Variants in CERKL observed in about 807,000 individuals in gnomAD.
CERKL encodes the protein ceramide kinase-like protein.
CERKL carries 61 observed loss-of-function variants against 63.4 expected under a neutral mutation model. That is an observed-to-expected ratio of 0.96 (90% CI 0.78 to 1.19). CERKL has a LOEUF of 1.19. Among genes scored for constraint, CERKL ranks in the 50% most tolerant of loss-of-function variants. The pLI is 0.00. For synonymous variants in CERKL, 250 were observed against 230.5 expected, an observed-to-expected ratio of 1.08 and a Z score of -0.77; for missense variants, 675 against 655.5, an observed-to-expected ratio of 1.03 and a Z score of -0.33.
At chr2:181,631,377 G>C (rs551531871) in intron 1 of CERKL, among the ~76,000 whole-genome samples, 2 of 152,168 alleles carry the variant, frequency 1.3e-5, no homozygotes, top group Non-Finnish European at 2.9e-5. Flanking sequence ...GGAAAGTTAA[G>C]AGTCAAGATT....
At chr2:181,556,945 G>T (rs1458122487) in intron 5 of CERKL, among the ~76,000 whole-genome samples, 1 of 152,146 alleles carries the variant, frequency 6.6e-6, no homozygotes, top group Non-Finnish European at 1.5e-5. Flanking sequence ...TCTACCTGGG[G>T]TGAGATGATA....
At chr2:181,570,643 A>C (rs1219672540) in intron 3 of CERKL, among the ~76,000 whole-genome samples, 1 of 152,172 alleles carries the variant, frequency 6.6e-6, no homozygotes, top group Admixed American at 6.6e-5. Context: ...CAACTTTAGC[A>C]CAAATATTTC....
At chr2:181,542,741 A>G (rs1273916549) in intron 11 of CERKL, among the ~76,000 whole-genome samples, 1 of 152,236 alleles carries the variant, frequency 6.6e-6, no homozygotes, top group African/African-American at 2.4e-5. Context: ...AAAGCAAGAT[A>G]TGCCTCGTAG....
chr2:181,653,325 A>G (rs1688016892), intron 1 of CERKL, among the ~76,000 whole-genome samples: 1 of 152,238 alleles, frequency 6.6e-6, no homozygotes, highest in South Asian at 2.1e-4. Context: ...GTAAACTAGT[A>G]CAGTCAATAT....
chr2:181,609,073 A>AGAT (rs1316320095), intron 1 of CERKL, among the ~76,000 whole-genome samples: 1 of 152,190 alleles, frequency 6.6e-6, no homozygotes, highest in Non-Finnish European at 1.5e-5. Context: ...ACAAGTTCCA[A>AGAT]GATTACATAT....
intron 2 of CERKL, among the ~76,000 whole-genome samples, chr2:181,585,389 A>C (rs750400360): frequency 2.6e-5 from 4 of 152,214 alleles, no homozygotes; most frequent in Non-Finnish European, 5.9e-5. Flanking sequence ...AGAAAACAAA[A>C]GCACAACACT....
At chr2:181,567,582 A>G (rs10490685) in intron 3 of CERKL, among the ~76,000 whole-genome samples, 18,083 of 152,222 alleles carry the variant, frequency 0.12, 1,229 homozygotes, top group East Asian at 0.22. Flanking sequence ...GCAAAAGTCC[A>G]ATAAAATCAA....
At chr2:181,555,693 T>C (rs1364474561) in intron 5 of CERKL, among the ~76,000 whole-genome samples, 16 of 152,042 alleles carry the variant, frequency 1.1e-4, no homozygotes, top group Admixed American at 9.2e-4. Flanking sequence ...TTAGTGATAA[T>C]GTGTGACTTT....
At chr2:181,642,520 T>C (rs547150310) in intron 1 of CERKL, among the ~76,000 whole-genome samples, 3 of 152,362 alleles carry the variant, frequency 2.0e-5, no homozygotes, top group African/African-American at 7.2e-5. Flanking sequence ...GAAAATCATT[T>C]TGACTCTCTT....
Position 181,537,749 on chromosome 2 carries a change from A to T in CERKL, c.*435T>A. ...CCAATAAACACATTGTAAAAAAAAG[A>T]ATTTGAATTGATATCTAAAAACAGA... On this transcript the variant is annotated 3_prime_UTR_variant, in exon 13 of 13. Coordinates refer to ENST00000410087, the MANE Select transcript of CERKL (RefSeq NM_201548.5). 2 of 444,978 alleles carry T rather than the reference A, an allele frequency of 4.5e-6. No homozygotes were observed. Among genetic ancestry groups the T allele is most frequent in the South Asian group, 1.6e-5 (1 of 62,450 alleles). 27.6% of individuals were successfully genotyped at this position (444,978 alleles called of 1,614,324 possible).
intron 1 of CERKL, among the ~76,000 whole-genome samples, chr2:181,655,839 T>C (rs191152218): frequency 6.6e-6 from 1 of 152,356 alleles, no homozygotes. Flanking sequence ...GTAACCTTGA[T>C]GTAGTTCCTC....
chr2:181,612,420 CTAGT>C (rs768898908), intron 1 of CERKL, among the ~76,000 whole-genome samples: 2 of 152,136 alleles, frequency 1.3e-5, no homozygotes, highest in Non-Finnish European at 2.9e-5. Context: ...ATACCACTCT[CTAGT>C]TATTCCCTCA....
Position 181,602,488 on chromosome 2 carries a change from G to C in CERKL, c.481+1349C>G, listed in dbSNP as rs1425259546. Among the ~76,000 whole-genome samples, 5 of 152,304 alleles carry C rather than the reference G, an allele frequency of 3.3e-5. No individual in the cohort carries two copies. The East Asian group carries it at 9.6e-4, about 29-fold the overall frequency. On this transcript the variant is annotated intron_variant, in intron 2 of 12. Coordinates refer to ENST00000410087, the MANE Select transcript of CERKL (RefSeq NM_201548.5). Reference sequence around the variant, plus strand: ...TATACATATTCTCTATGTTTCCAGAGAGATAAACTAAACTACAGCCTCTGT... The same window carrying C: ...TATACATATTCTCTATGTTTCCAGACAGATAAACTAAACTACAGCCTCTGT...
chr2:181,538,243 A>C lies in CERKL; in HGVS notation c.1540T>G (p.Leu514Val). 6.4e-7 allele frequency: 1 copy of C among 1,567,478 alleles called. No homozygotes were observed. The highest frequency in any genetic ancestry group is 8.8e-7 in the Non-Finnish European group (1 of 1,138,868). The change falls in exon 13 of 13, where the codon TTG becomes GTG. Residue 514 changes from leucine to valine, a missense_variant and splice_region_variant. Physicochemically the swap from Leu to Val is conservative, Grantham distance 32 (BLOSUM62 1). Coordinates refer to ENST00000410087, the MANE Select transcript of CERKL (RefSeq NM_201548.5). Reference sequence around the variant, plus strand: ...TAAAGACTGATAAGTCTTGGATGCAATCTGTAAAGAAAATACATTATTTCA... The same window carrying C: ...TAAAGACTGATAAGTCTTGGATGCACTCTGTAAAGAAAATACATTATTTCA... Reference protein sequence around the residue: ...MEVASEVHIRLHPRLISLYGG... With the variant: ...MEVASEVHIRVHPRLISLYGG...
intron 1 of CERKL, among the ~76,000 whole-genome samples, chr2:181,614,503 T>C (rs1686108055): frequency 6.6e-6 from 1 of 152,224 alleles, no homozygotes; most frequent in Non-Finnish European, 1.5e-5. Flanking sequence ...TTATTTTCCA[T>C]ATGAATCACA....
At chr2:181,618,836 G>C (rs1686328033) in intron 1 of CERKL, among the ~76,000 whole-genome samples, 1 of 152,064 alleles carries the variant, frequency 6.6e-6, no homozygotes, top group South Asian at 2.1e-4. Context: ...GTATAAAAGG[G>C]TTCCAAGACC....
intron 1 of CERKL, among the ~76,000 whole-genome samples, chr2:181,619,591 T>C (rs1320714742): frequency 1.3e-5 from 2 of 152,216 alleles, no homozygotes. Flanking sequence ...GTATTTACTA[T>C]CAATCAGAAA....
intron 2 of CERKL, among the ~76,000 whole-genome samples, chr2:181,598,718 T>C (rs1685326805): frequency 6.6e-6 from 1 of 152,116 alleles, no homozygotes; most frequent in Non-Finnish European, 1.5e-5. Flanking sequence ...AGATAGAGTG[T>C]CAGCTCACAA....
intron 1 of CERKL, among the ~76,000 whole-genome samples, chr2:181,634,951 A>T (rs1207139727): frequency 6.6e-6 from 1 of 152,188 alleles, no homozygotes; most frequent in African/African-American, 2.4e-5. Flanking sequence ...CAATGTACAC[A>T]ATGAATGCTA....
Sources: gnomAD v4.1 joint callset for allele counts (sites outside exome capture counted in the v4.1 genomes callset) on GRCh38, gnomAD v4.1.1 for gene constraint, MANE v1.5 for transcripts, NCBI Gene and HGNC (gene_info 2026-07-23, HGNC 2026-07-21) for gene names.